PTH2R: variants seen among roughly 807,000 people sequenced by gnomAD.
PTH2R encodes the protein parathyroid hormone 2 receptor, also known as PTH2 receptor.
A neutral mutation model predicts 60.3 loss-of-function variants in PTH2R; 59 were observed. That is an observed-to-expected ratio of 0.98 (90% CI 0.79 to 1.22). The LOEUF (loss-of-function observed/expected upper bound fraction) is 1.22. PTH2R is among the 50% of genes most tolerant of loss of function. PTH2R has a pLI of 0.00. For missense variants in PTH2R, 749 were observed against 682.6 expected (o/e 1.10, Z -1.08); for synonymous variants, 256 against 243.8 (o/e 1.05, Z -0.47).
At chr2:208,461,498 CTTG>C (rs145835101) in intron 9 of PTH2R, among the ~76,000 whole-genome samples, 172 of 152,144 alleles carry the variant, frequency 1.1e-3, no homozygotes, top group African/African-American at 3.9e-3. Flanking sequence ...CAATCTTTAT[CTTG>C]TTACTTTTTC....
intron 1 of PTH2R, among the ~76,000 whole-genome samples, chr2:208,422,675 A>AT (rs1049747101): frequency 2.6e-5 from 4 of 152,044 alleles, no homozygotes; most frequent in African/African-American, 7.2e-5. Context: ...TTAAAAAATG[A>AT]TTTTTTTGGT....
intron 1 of PTH2R, 129 bp downstream of exon 1, chr2:208,407,247 C>G: frequency 1.4e-6 from 1 of 723,796 alleles, no homozygotes. Flanking sequence ...CCCCGGCACG[C>G]ACCGAGGCGT....
intron 2 of PTH2R, among the ~76,000 whole-genome samples, chr2:208,431,492 G>T (rs2105858705): frequency 6.6e-6 from 1 of 152,332 alleles, no homozygotes; most frequent in East Asian, 1.9e-4. Context: ...GTTTGCAACT[G>T]CAAGGTGCCT....
At chr2:208,451,469 C>A (rs1250242108) in intron 8 of PTH2R, among the ~76,000 whole-genome samples, 3 of 151,970 alleles carry the variant, frequency 2.0e-5, no homozygotes, top group Non-Finnish European at 4.4e-5. Flanking sequence ...CTGATAATGC[C>A]CTCAAAAATA....
intron 9 of PTH2R, among the ~76,000 whole-genome samples, chr2:208,465,703 C>T (rs929925534): frequency 6.6e-6 from 1 of 151,932 alleles, no homozygotes; most frequent in African/African-American, 2.4e-5. Flanking sequence ...GCAGGGCCAA[C>T]TCCTTTTTTT....
intron 1 of PTH2R, among the ~76,000 whole-genome samples, chr2:208,397,650 G>A (rs1192598914): frequency 6.6e-6 from 1 of 152,232 alleles, no homozygotes; most frequent in African/African-American, 2.4e-5. Context: ...GGCTGGAGGA[G>A]GCGGTGTCTT....
chr2:208,397,111 C>T (rs1326251904), intron 1 of PTH2R, among the ~76,000 whole-genome samples: 1 of 151,928 alleles, frequency 6.6e-6, no homozygotes, highest in Non-Finnish European at 1.5e-5. Flanking sequence ...ACAATGAGAA[C>T]ACTTGGACAC....
At chr2:208,401,927 C>T (rs1253921961), upstream of PTH2R, among the ~76,000 whole-genome samples, 1 of 152,184 alleles carries the variant, frequency 6.6e-6, no homozygotes, top group African/African-American at 2.4e-5. Flanking sequence ...CTCCCTGGTT[C>T]CTCTCCACTG....
intron 1 of PTH2R, among the ~76,000 whole-genome samples, chr2:208,393,000 G>A (rs998209340): frequency 2.6e-5 from 4 of 152,188 alleles, no homozygotes; most frequent in African/African-American, 9.6e-5. Context: ...TGCTGTCTGG[G>A]CATTCCTTCT....
At position 208,444,782 on chromosome 2, in the gene PTH2R, A is replaced by T; in HGVS notation, c.748A>T (p.Asn250Tyr). Residue 250 changes from asparagine to tyrosine, a missense_variant, in exon 7 of 13, where the codon AAT becomes TAT. Transcript: ENST00000272847. ...GATGTTTATTTACTTCCTGGCTACA[A>T]ATTATTATTGGATCCTGGTGGAAGG... ...VVMFIYFLAT[N>Y]YYWILVEGLY... The T allele has an allele frequency of 6.2e-7, 1 of 1,613,852 alleles. No homozygotes were observed. The highest frequency in any genetic ancestry group is 1.1e-5 in the South Asian group (1 of 91,032).
chr2:208,489,215 A>G (rs1703347710), intron 11 of PTH2R, 65 bp downstream of exon 11: 7 of 1,597,708 alleles, frequency 4.4e-6, no homozygotes, highest in African/African-American at 1.3e-5. Flanking sequence ...TTGGTCACTT[A>G]CAACCTTTTT....
In PTH2R at chr2:208,442,444, C is replaced by A; in HGVS notation, c.492C>A (p.Leu164=). 1 of 1,608,958 alleles carries A rather than the reference C, an allele frequency of 6.2e-7. No individual in the cohort carries two copies. The change falls in exon 5 of 13, where the codon CTC becomes CTA. Residue 164 remains leucine (L), a synonymous_variant. Coordinates refer to ENST00000272847, the MANE Select transcript of PTH2R (RefSeq NM_005048.4). ...ISFGSLAVAI[L]IIGYFRRLHC... is the part of the protein sequence containing the mutation. Reference sequence around the variant, plus strand: ...TTGGTTCCTTGGCTGTGGCTATTCTCATCATTGGTTACTTCAGGTGAGTGA... The same window carrying A: ...TTGGTTCCTTGGCTGTGGCTATTCTAATCATTGGTTACTTCAGGTGAGTGA...
intron 8 of PTH2R, among the ~76,000 whole-genome samples, chr2:208,455,704 G>A (rs983711013): frequency 4.6e-5 from 7 of 152,012 alleles, no homozygotes; most frequent in South Asian, 2.1e-4. Flanking sequence ...CCTATATAGC[G>A]CCATATGACA....
chr2:208,376,885 T>A (rs916816135), intron 1 of PTH2R, among the ~76,000 whole-genome samples: 11 of 152,018 alleles, frequency 7.2e-5, no homozygotes, highest in African/African-American at 1.7e-4. Context: ...TTAATTAATT[T>A]TTTTTTATTG....
In PTH2R at chr2:208,433,031, C is replaced by T. The variant is rs540347606; in HGVS notation, c.179-4506C>T. Among the ~76,000 whole-genome samples the T allele has an allele frequency of 3.9e-5, 6 of 152,064 alleles. No homozygotes were observed. In the South Asian group the frequency reaches 1.3e-3, roughly 32 times the overall value. On this transcript the variant is annotated intron_variant, in intron 2 of 12. Transcript: ENST00000272847. Reference sequence around the variant, plus strand: ...CATCTTTCAATCCAATCAAGTTGACCCTAATATTAATCATCACAAAGACAT... The same window carrying T: ...CATCTTTCAATCCAATCAAGTTGACTCTAATATTAATCATCACAAAGACAT...
rs1193432744 is a variant in PTH2R, at chr2:208,493,461, G to A, written c.1455G>A (p.Gln485=). The A allele has an allele frequency of 2.5e-6, 4 of 1,610,952 alleles. No homozygotes were observed. In the African/African-American group the frequency reaches 4.0e-5, roughly 16 times the overall value. Residue 485 remains glutamine (Q), a synonymous_variant, in exon 13 of 13, where the codon CAG becomes CAA. Transcript: ENST00000272847. ...SGKAAKIASR[Q]PDSHITLPGY... The stretch of plus-strand genomic sequence containing the variant: ...AAGCTGCCAAGATCGCCAGCAGACA[G>A]CCTGACAGCCACATCACTTTACCTG...
At chr2:208,445,695 T>C (rs968522031) in intron 7 of PTH2R, among the ~76,000 whole-genome samples, 5 of 152,160 alleles carry the variant, frequency 3.3e-5, no homozygotes, top group Non-Finnish European at 4.4e-5. Flanking sequence ...AAGGTTTTTT[T>C]CCTCTCCAAA....
intron 9 of PTH2R, among the ~76,000 whole-genome samples, chr2:208,463,508 C>G (rs1482704442): frequency 6.6e-6 from 1 of 152,106 alleles, no homozygotes; most frequent in Non-Finnish European, 1.5e-5. Context: ...TGGCCTTGGG[C>G]AAGTTATTTA....
chr2:208,373,981 C>T (rs1031892162), intron 1 of PTH2R, among the ~76,000 whole-genome samples: 2 of 151,872 alleles, frequency 1.3e-5, no homozygotes, highest in Non-Finnish European at 2.9e-5. Context: ...TATTTTTGTC[C>T]CTATATCATT....
Sources: gnomAD v4.1 joint callset for allele counts (sites outside exome capture counted in the v4.1 genomes callset) on GRCh38, gnomAD v4.1.1 for gene constraint, MANE v1.5 for transcripts, NCBI Gene and HGNC (gene_info 2026-07-23, HGNC 2026-07-21) for gene names.